Variants in MNAT1 observed in about 807,000 individuals in gnomAD.
The protein encoded by MNAT1 is MNAT1 component of CDK activating kinase.
A neutral mutation model predicts 42.0 loss-of-function variants in MNAT1; 43 were observed. The observed-to-expected ratio is 1.02, with a 90% CI of 0.80 to 1.32. MNAT1 has a LOEUF of 1.32. Among genes scored for constraint, MNAT1 ranks in the 40% most tolerant of loss-of-function variants. MNAT1 has a pLI of 0.00. For synonymous variants in MNAT1, 118 were observed against 120.0 expected (o/e 0.98, Z 0.11); for missense variants, 306 against 350.4 (o/e 0.87, Z 1.01).
intron 7 of MNAT1, among the ~76,000 whole-genome samples, chr14:60,958,614 T>C (rs1179448779): frequency 9.4e-5 from 2 of 21,370 alleles, no homozygotes; most frequent in Non-Finnish European, 1.1e-3. Context: ...TCTTTCTTTT[T>C]CCTTCTTTCG....
chr14:60,952,830 A>G (rs1477577724), intron 7 of MNAT1, among the ~76,000 whole-genome samples: 1 of 152,144 alleles, frequency 6.6e-6, no homozygotes, highest in African/African-American at 2.4e-5. Context: ...CATTTCAGAG[A>G]CAGAATCAAG....
rs2032793976 is a variant in MNAT1, at chr14:60,818,797, G to C, written c.637G>C (p.Glu213Gln). 6.2e-7 allele frequency: 1 copy of C among 1,612,914 alleles called. No individual in the cohort carries two copies. The highest frequency in any genetic ancestry group is 1.3e-5 in the African/African-American group (1 of 75,006). The change falls in exon 6 of 8, where the codon GAG becomes CAG. Residue 213 changes from glutamate (E) to glutamine (Q), a missense_variant. By Grantham distance (29) the Glu-to-Gln change is conservative (BLOSUM62 2). Around this residue, in one of 3 missense-constraint regions of MNAT1, gnomAD observed 116 missense variants for 139.6 expected, o/e 0.83. Transcript: ENST00000261245. ...ATCTACCCAATTAGAAATGCAACTT[G>C]AGAAACCCAAACCTGTAAAACCAGT... is the stretch of plus-strand genomic sequence containing the variant. The part of the protein sequence containing the change: ...DRSTQLEMQL[E>Q]KPKPVKPVTF...
chr14:60,795,080 G>A (rs2031970529), intron 1 of MNAT1, among the ~76,000 whole-genome samples: 1 of 152,116 alleles, frequency 6.6e-6, no homozygotes. Flanking sequence ...AGGACTGTGT[G>A]GTCCTAACAC....
intron 7 of MNAT1, among the ~76,000 whole-genome samples, chr14:60,937,434 T>C (rs561911313): frequency 6.6e-6 from 1 of 152,338 alleles, no homozygotes; most frequent in South Asian, 2.1e-4. Context: ...CAGTTTCAGC[T>C]TTCTACATAT....
chr14:60,787,466 G>A (rs2031686934), intron 1 of MNAT1, among the ~76,000 whole-genome samples: 1 of 152,148 alleles, frequency 6.6e-6, no homozygotes, highest in Non-Finnish European at 1.5e-5. Context: ...TGACTGATCA[G>A]GATGGTGATT....
chr14:60,936,982 C>A (rs10467809), intron 7 of MNAT1, among the ~76,000 whole-genome samples: 5,638 of 149,304 alleles, frequency 0.038, 347 homozygotes, highest in African/African-American at 0.14. Flanking sequence ...GCCAGTGATG[C>A]TGAGCATTTT....
chr14:60,919,568 C>T (rs2035608421), intron 7 of MNAT1: 2 of 152,832 alleles, frequency 1.3e-5, no homozygotes, highest in African/African-American at 4.8e-5. Flanking sequence ...GGGCTGCCCT[C>T]CTGAGGACTG....
chr14:60,860,354 C>T (rs370639365), intron 6 of MNAT1, among the ~76,000 whole-genome samples: 22 of 128,636 alleles, frequency 1.7e-4, no homozygotes, highest in Middle Eastern at 4.2e-3. Context: ...TTTTTCTTTT[C>T]TTTTTTTTTT....
chr14:60,889,028 G>A (rs2034762296), intron 7 of MNAT1, among the ~76,000 whole-genome samples: 1 of 145,686 alleles, frequency 6.9e-6, no homozygotes, highest in Admixed American at 7.0e-5. Flanking sequence ...ACTGCCCAAG[G>A]TAATTTATAG....
chr14:60,771,180 G>A (rs1368781363), intron 1 of MNAT1, among the ~76,000 whole-genome samples: 1 of 151,712 alleles, frequency 6.6e-6, no homozygotes, highest in Non-Finnish European at 1.5e-5. Flanking sequence ...GGGTTTTTTT[G>A]TTTGTTTGTT....
chr14:60,768,202 A>C (rs1481911619), intron 1 of MNAT1, among the ~76,000 whole-genome samples: 1 of 152,164 alleles, frequency 6.6e-6, no homozygotes, highest in Non-Finnish European at 1.5e-5. Flanking sequence ...CGCCTGGCCC[A>C]GTTTAGTTTT....
intron 7 of MNAT1, among the ~76,000 whole-genome samples, chr14:60,892,387 G>T (rs892039183): frequency 1.3e-5 from 2 of 151,992 alleles, no homozygotes; most frequent in African/African-American, 4.8e-5. Flanking sequence ...AATCTGTTTT[G>T]CCTCATATTA....
intron 7 of MNAT1, among the ~76,000 whole-genome samples, chr14:60,895,289 CT>C (rs2034929451): frequency 6.6e-6 from 1 of 152,038 alleles, no homozygotes; most frequent in South Asian, 2.1e-4. Flanking sequence ...ATATTTTTAC[CT>C]AACTAAATTT....
At chr14:60,934,489 C>T (rs1240977900) in intron 7 of MNAT1, among the ~76,000 whole-genome samples, 1 of 151,982 alleles carries the variant, frequency 6.6e-6, no homozygotes, top group African/African-American at 2.4e-5. Context: ...ATCAAGGGGG[C>T]GGGTCTTTTC....
At chr14:60,765,988 T>C (rs1185944337) in intron 1 of MNAT1, among the ~76,000 whole-genome samples, 2 of 152,196 alleles carry the variant, frequency 1.3e-5, no homozygotes, top group South Asian at 4.1e-4. Context: ...AAATTTTAAC[T>C]TTCTAATTTC....
chr14:60,793,901 C>T (rs539065819), intron 1 of MNAT1, among the ~76,000 whole-genome samples: 139 of 151,412 alleles, frequency 9.2e-4, no homozygotes, highest in African/African-American at 3.2e-3. Flanking sequence ...GAAAATGTTA[C>T]GTAGGAAAAT....
chr14:60,968,288 C>T lies in MNAT1; in HGVS notation c.869C>T (p.Ser290Phe). ...GACCTTGCTGGAGGCTATACTTCTT[C>T]TCTTGCTTGTCACAGAGCACTACAG... The part of the protein sequence containing the change: ...PQDLAGGYTS[S>F]LACHRALQDA... The change falls in exon 8 of 8, where the codon TCT (serine) becomes TTT (phenylalanine). Residue 290 changes from serine (S) to phenylalanine (F), a missense_variant. Physicochemically the swap from Ser to Phe is radical, Grantham distance 155. Transcript: ENST00000261245. 3 of 1,614,016 alleles carry T rather than the reference C, an allele frequency of 1.9e-6. No individual in the cohort carries two copies. The highest frequency in any genetic ancestry group is 2.5e-6 in the Non-Finnish European group (3 of 1,179,926).
chr14:60,746,002 A>T (rs889444078), intron 1 of MNAT1, among the ~76,000 whole-genome samples: 7 of 152,132 alleles, frequency 4.6e-5, no homozygotes, highest in African/African-American at 1.4e-4. Flanking sequence ...TGTGCTTTCA[A>T]ACATATGTAA....
chr14:60,911,620 G>C (rs1213301285), intron 7 of MNAT1, among the ~76,000 whole-genome samples: 1 of 152,194 alleles, frequency 6.6e-6, no homozygotes, highest in Non-Finnish European at 1.5e-5. Context: ...TTTCCATGTA[G>C]TTGAGTGGTT....
Sources: allele counts gnomAD v4.1 joint callset (sites outside exome capture counted in the v4.1 genomes callset), GRCh38; gene constraint gnomAD v4.1.1; regional missense constraint gnomAD v4.1.1; transcripts MANE v1.5; gene names NCBI Gene and HGNC (gene_info 2026-07-23, HGNC 2026-07-21).